Variants in KLF12 observed in about 807,000 individuals in gnomAD.
The protein encoded by KLF12 is Krueppel-like factor 12.
Under a neutral mutation model 37.8 loss-of-function variants are expected in KLF12, and 9 were observed. The observed-to-expected ratio is 0.24, with a 90% confidence interval of 0.14 to 0.42. The LOEUF is 0.42. KLF12 is among the 10% of genes least tolerant of loss of function. The pLI, the probability that KLF12 is intolerant of heterozygous loss-of-function variation, is 1.00. For missense variants in KLF12, 411 were observed against 516.0 expected (o/e 0.80, Z 1.97); for synonymous variants, 208 against 202.1 (o/e 1.03, Z -0.25).
the KLF12 span, among the ~76,000 whole-genome samples, chr13:74,285,239 C>T: frequency 6.6e-6 from 1 of 151,790 alleles, no homozygotes; most frequent in Non-Finnish European, 1.5e-5. Flanking sequence ...TCTGCAGTCT[C>T]AAAGCTCTTT....
intron 3 of KLF12, among the ~76,000 whole-genome samples, chr13:73,932,687 T>C (rs1455151260): frequency 6.6e-6 from 1 of 152,166 alleles, no homozygotes; most frequent in Non-Finnish European, 1.5e-5. Flanking sequence ...AATACAAACA[T>C]TATTTTATAT....
At chr13:73,939,456 A>G (rs901409434) in intron 3 of KLF12, among the ~76,000 whole-genome samples, 5 of 150,230 alleles carry the variant, frequency 3.3e-5, no homozygotes, top group African/African-American at 1.3e-4. Flanking sequence ...ATAAACTCTA[A>G]TCAGAATTTG....
Position 73,734,968 on chromosome 13 carries a change from G to T in KLF12, c.870-19443C>A, listed in dbSNP as rs540711732. On this transcript the variant is annotated intron_variant, in intron 6 of 7. Transcript: ENST00000377669. ...TACTCAACAGTTTGGAGGCCACAGA[G>T]AATTATATCCCACAATCTCTCCCTT... Among the ~76,000 whole-genome samples, 12 of 152,024 alleles carry T rather than the reference G, an allele frequency of 7.9e-5. No individual in the cohort carries two copies. In the South Asian group the frequency reaches 2.1e-3, roughly 26 times the overall value.
At chr13:74,128,826 TC>T (rs1198110047) in intron 1 of KLF12, among the ~76,000 whole-genome samples, 1 of 152,154 alleles carries the variant, frequency 6.6e-6, no homozygotes, top group African/African-American at 2.4e-5. Context: ...AGACTGTTTT[TC>T]CCCCTTTTTT....
chr13:73,958,059 T>C (rs374184530), intron 2 of KLF12, among the ~76,000 whole-genome samples: 5 of 152,324 alleles, frequency 3.3e-5, no homozygotes, highest in South Asian at 4.1e-4. Context: ...ATCTGTGCTG[T>C]CTGGGTAGCC....
At chr13:73,810,644 A>T (rs1040206754) in intron 5 of KLF12, among the ~76,000 whole-genome samples, 59 of 59,740 alleles carry the variant, frequency 9.9e-4, no homozygotes, top group Non-Finnish European at 1.3e-3. Context: ...TATATTTATA[A>T]AGACACACAC....
At chr13:73,852,877 T>G (rs1268799493) in intron 3 of KLF12, among the ~76,000 whole-genome samples, 2 of 150,546 alleles carry the variant, frequency 1.3e-5, no homozygotes, top group Non-Finnish European at 3.0e-5. Context: ...TTATGTTTTT[T>G]TTTTTTTTTT....
At chr13:74,122,847 T>A (rs1034126474) in intron 1 of KLF12, among the ~76,000 whole-genome samples, 2 of 150,166 alleles carry the variant, frequency 1.3e-5, no homozygotes, top group Non-Finnish European at 1.5e-5. Context: ...CTTAAGAACA[T>A]GGATAAAAAT....
At chr13:73,875,545 T>A (rs539460517) in intron 3 of KLF12, among the ~76,000 whole-genome samples, 1 of 152,180 alleles carries the variant, frequency 6.6e-6, no homozygotes, top group Non-Finnish European at 1.5e-5. Flanking sequence ...AATTACTACA[T>A]GTCCTTGAAA....
At chr13:73,941,144 C>T (rs971376201) in intron 3 of KLF12, among the ~76,000 whole-genome samples, 5 of 152,228 alleles carry the variant, frequency 3.3e-5, no homozygotes, top group East Asian at 1.9e-4. Flanking sequence ...AGTGATTATA[C>T]ATTCCAACCA....
At chr13:74,141,417 A>G in the KLF12 span, among the ~76,000 whole-genome samples, 4 of 152,228 alleles carry the variant, frequency 2.6e-5, no homozygotes, top group African/African-American at 9.6e-5. Flanking sequence ...AAATAAAATA[A>G]AATGAAAATA....
At chr13:74,284,381 A>G in the KLF12 span, among the ~76,000 whole-genome samples, 6 of 152,202 alleles carry the variant, frequency 3.9e-5, no homozygotes, top group Non-Finnish European at 8.8e-5. Flanking sequence ...TGAGAGTGTT[A>G]TTCAGAATGT....
At chr13:74,112,188 ATGTGTGTGTGTGCATCTGTGTGTG>A (rs1877008147) in intron 1 of KLF12, among the ~76,000 whole-genome samples, 1 of 134,504 alleles carries the variant, frequency 7.4e-6, no homozygotes, top group Non-Finnish European at 1.7e-5. Flanking sequence ...ATAAACGTTT[ATGTGTGTGTGTGCATCTGTGTGTG>A]TGTGTGTGTG....
intron 3 of KLF12, among the ~76,000 whole-genome samples, chr13:73,849,861 T>G (rs1885240792): frequency 6.6e-6 from 1 of 152,208 alleles, no homozygotes; most frequent in African/African-American, 2.4e-5. Flanking sequence ...TGACTATAGC[T>G]GAATTTTTGC....
intron 4 of KLF12, among the ~76,000 whole-genome samples, chr13:73,815,112 C>T (rs552008251): frequency 6.6e-6 from 1 of 151,422 alleles, no homozygotes; most frequent in African/African-American, 2.4e-5. Context: ...CAATAATATT[C>T]ATTAAGAGCT....
intron 4 of KLF12, among the ~76,000 whole-genome samples, chr13:73,832,330 T>C (rs535397126): frequency 1.9e-4 from 29 of 152,282 alleles, no homozygotes; most frequent in African/African-American, 6.0e-4. Flanking sequence ...TACTCTCCCC[T>C]TCTTATAATG....
At chr13:73,853,785 A>G (rs1176338325) in intron 3 of KLF12, among the ~76,000 whole-genome samples, 1 of 152,106 alleles carries the variant, frequency 6.6e-6, no homozygotes, top group Non-Finnish European at 1.5e-5. Context: ...GACTGAAAAC[A>G]TGGACAAACA....
chr13:73,928,294 T>C (rs1193228441), intron 3 of KLF12, among the ~76,000 whole-genome samples: 1 of 152,224 alleles, frequency 6.6e-6, no homozygotes, highest in African/African-American at 2.4e-5. Flanking sequence ...GTGTTAGAAG[T>C]TCTAGGCGAT....
chr13:74,057,643 A>C (rs1175883668), intron 1 of KLF12, among the ~76,000 whole-genome samples: 2 of 152,262 alleles, frequency 1.3e-5, no homozygotes, highest in Non-Finnish European at 2.9e-5. Flanking sequence ...AGACAAGTCA[A>C]TTCAATGGCC....
Sources: gnomAD v4.1 joint callset for allele counts (sites outside exome capture counted in the v4.1 genomes callset) on GRCh38, gnomAD v4.1.1 for gene constraint, MANE v1.5 for transcripts, NCBI Gene and HGNC (gene_info 2026-07-23, HGNC 2026-07-21) for gene names.